Variants in DOK6 observed in about 807,000 individuals in gnomAD.
DOK6 encodes the protein docking protein 6.
A neutral mutation model predicts 44.0 loss-of-function variants in DOK6; 22 were observed. The observed-to-expected ratio is 0.50, with a 90% confidence interval of 0.36 to 0.71. The LOEUF is 0.71. DOK6 is among the 30% of genes least tolerant of loss of function. DOK6 has a pLI of 0.00. For missense variants in DOK6, 340 were observed against 416.4 expected, an observed-to-expected ratio of 0.82 and a Z score of 1.60; for synonymous variants, 166 against 145.5, an observed-to-expected ratio of 1.14 and a Z score of -1.01.
chr18:69,685,133 C>T (rs1316067230), intron 4 of DOK6, among the ~76,000 whole-genome samples: 1 of 151,866 alleles, frequency 6.6e-6, no homozygotes, highest in African/African-American at 2.4e-5. Context: ...AAAATTAACG[C>T]AATTTAACAC....
chr18:69,704,331 TC>T (rs1986585643), intron 5 of DOK6, among the ~76,000 whole-genome samples: 1 of 152,048 alleles, frequency 6.6e-6, no homozygotes, highest in Admixed American at 6.6e-5. Context: ...TGAGCGAAGA[TC>T]CCTTTTCTCT....
At chr18:69,766,405 A>AAAACAATTTC (rs1979718710) in intron 7 of DOK6, among the ~76,000 whole-genome samples, 1 of 152,206 alleles carries the variant, frequency 6.6e-6, no homozygotes, top group Non-Finnish European at 1.5e-5. Context: ...AAAAGTCGAA[A>AAAACAATTTC]TTGTTTATTT....
At chr18:69,411,466 G>A (rs1476855664) in intron 1 of DOK6, among the ~76,000 whole-genome samples, 6 of 152,142 alleles carry the variant, frequency 3.9e-5, no homozygotes, top group African/African-American at 1.4e-4. Context: ...TAGCCAGGAT[G>A]GAGAACCATT....
chr18:69,612,217 T>TAA (rs33970961), intron 3 of DOK6, among the ~76,000 whole-genome samples: 1 of 149,880 alleles, frequency 6.7e-6, no homozygotes, highest in Non-Finnish European at 1.5e-5. Flanking sequence ...ATATTTAAGT[T>TAA]AAAAAAAACC....
At chr18:69,653,728 A>G (rs1349483571) in intron 3 of DOK6, among the ~76,000 whole-genome samples, 3 of 152,248 alleles carry the variant, frequency 2.0e-5, no homozygotes, top group Non-Finnish European at 2.9e-5. Flanking sequence ...AACCACATGC[A>G]GTGAAGTGAA....
At chr18:69,604,512 T>C (rs914446618) in intron 3 of DOK6, among the ~76,000 whole-genome samples, 1 of 152,244 alleles carries the variant, frequency 6.6e-6, no homozygotes, top group Non-Finnish European at 1.5e-5. Context: ...GGTTTTCAAC[T>C]ACTTTAAATA....
chr18:69,417,123 A>G (rs1978361686), intron 1 of DOK6, among the ~76,000 whole-genome samples: 1 of 152,124 alleles, frequency 6.6e-6, no homozygotes. Flanking sequence ...TATACAATAA[A>G]TTATTAACTT....
intron 5 of DOK6, among the ~76,000 whole-genome samples, chr18:69,736,111 A>G (rs1393930934): frequency 1.3e-5 from 2 of 152,070 alleles, no homozygotes; most frequent in Non-Finnish European, 2.9e-5. Flanking sequence ...GCCTTTCCTG[A>G]CTACTCAAAA....
chr18:69,705,982 C>A (rs1214696985), intron 5 of DOK6, among the ~76,000 whole-genome samples: 1 of 151,922 alleles, frequency 6.6e-6, no homozygotes, highest in Non-Finnish European at 1.5e-5. Context: ...GAATACCACC[C>A]TTTGATATAG....
Position 69,757,893 on chromosome 18 carries a change from G to A in DOK6, c.856+20G>A, listed in dbSNP as rs1979413189. 1.3e-6 allele frequency: 2 copies of A among 1,594,172 alleles called. No individual in the cohort carries two copies. Among genetic ancestry groups the A allele is most frequent in the South Asian group, 2.2e-5 (2 of 90,704 alleles). On this transcript the variant is annotated intron_variant, in intron 7 of 7. Transcript: ENST00000382713. ...TGCAAGGCAAGTCACTTTAATGTAA[G>A]AAAGCAGTGCCTCCATAAGCTTCCT... is the stretch of plus-strand genomic sequence containing the variant.
intron 5 of DOK6, among the ~76,000 whole-genome samples, chr18:69,717,572 C>T (rs545625199): frequency 4.6e-4 from 70 of 152,106 alleles, no homozygotes; most frequent in Non-Finnish European, 9.4e-4. Flanking sequence ...TCCAGGGGGC[C>T]ACAAAGAGAA....
At chr18:69,481,286 C>CAT (rs1210258860) in intron 1 of DOK6, among the ~76,000 whole-genome samples, 6 of 151,966 alleles carry the variant, frequency 3.9e-5, no homozygotes, top group South Asian at 2.1e-4. Flanking sequence ...AGGTTTGTTA[C>CAT]ATATATATAC....
At chr18:69,641,259 A>G (rs1259055217) in intron 3 of DOK6, among the ~76,000 whole-genome samples, 1 of 151,908 alleles carries the variant, frequency 6.6e-6, no homozygotes, top group East Asian at 1.9e-4. Context: ...GATAAAATAA[A>G]TATGAAGTAG....
intron 1 of DOK6, among the ~76,000 whole-genome samples, chr18:69,498,796 A>G (rs1436143861): frequency 6.6e-6 from 1 of 152,136 alleles, no homozygotes; most frequent in Non-Finnish European, 1.5e-5. Context: ...CAAAGATGCA[A>G]CTCCAGTGGG....
chr18:69,594,443 G>A (rs949386322), intron 2 of DOK6, among the ~76,000 whole-genome samples: 3 of 151,012 alleles, frequency 2.0e-5, no homozygotes, highest in African/African-American at 7.3e-5. Flanking sequence ...TTACAAATAG[G>A]GAGAAAACAA....
intron 6 of DOK6, among the ~76,000 whole-genome samples, chr18:69,744,529 T>C (rs1435992222): frequency 1.3e-5 from 2 of 152,134 alleles, no homozygotes; most frequent in East Asian, 3.8e-4. Flanking sequence ...TTATGGTTGA[T>C]AATGAAAATG....
chr18:69,535,183 T>C (rs1982089191), intron 1 of DOK6, among the ~76,000 whole-genome samples: 1 of 152,160 alleles, frequency 6.6e-6, no homozygotes, highest in South Asian at 2.1e-4. Context: ...ACGTTGTGCA[T>C]GTATCTCTTC....
intron 1 of DOK6, among the ~76,000 whole-genome samples, chr18:69,550,777 CTTTTTTTT>C (rs10538639): frequency 1.6e-5 from 2 of 121,438 alleles, no homozygotes; most frequent in African/African-American, 3.0e-5. Flanking sequence ...TTGTTTCTTT[CTTTTTTTT>C]TTTTTTTTTT....
intron 5 of DOK6, among the ~76,000 whole-genome samples, chr18:69,709,569 A>ACC (rs1383686221): frequency 6.6e-6 from 1 of 152,166 alleles, no homozygotes; most frequent in African/African-American, 2.4e-5. Flanking sequence ...AATTCTAGAC[A>ACC]AAGATTATAA....
Sources: gnomAD v4.1 joint callset for allele counts (sites outside exome capture counted in the v4.1 genomes callset) on GRCh38, gnomAD v4.1.1 for gene constraint, MANE v1.5 for transcripts, NCBI Gene and HGNC (gene_info 2026-07-23, HGNC 2026-07-21) for gene names.